The following SDS variants were observed in gnomAD, a reference collection of about 807,000 sequenced individuals.
SDS encodes the protein L-serine dehydratase/L-threonine deaminase.
Under a neutral mutation model 29.3 loss-of-function variants are expected in SDS, and 19 were observed. That is an observed-to-expected ratio of 0.65 (90% CI 0.45 to 0.95). The LOEUF (loss-of-function observed/expected upper bound fraction) is 0.95, where lower values mean the gene tolerates loss of function less well. Ranked by LOEUF, SDS falls within the 40% of genes least tolerant of loss-of-function variation. SDS has a pLI of 0.00. For synonymous variants in SDS, 176 were observed against 189.0 expected (o/e 0.93, Z 0.56); for missense variants, 375 against 439.9 (o/e 0.85, Z 1.32).
At position 113,393,887 on chromosome 12, in the gene SDS, C is replaced by T; in HGVS notation, c.778+5G>A. On this transcript the variant is annotated splice_donor_5th_base_variant and intron_variant, in intron 7 of 7. Transcript: ENST00000257549. ...GGTCAGGTCATGGGAGGACCTGGCA[C>T]ATACCCACGAACTTCTCAATGGCGG... is the stretch of plus-strand genomic sequence containing the variant. 6.2e-7 allele frequency: 1 copy of T among 1,614,188 alleles called. No individual in the cohort carries two copies. The highest frequency in any genetic ancestry group is 8.5e-7 in the Non-Finnish European group (1 of 1,180,034).
intron 6 of SDS, 78 bp downstream of exon 6, chr12:113,397,087 G>C: frequency 8.0e-7 from 1 of 1,250,310 alleles, no homozygotes; most frequent in Non-Finnish European, 1.1e-6. Context: ...CTGACATCAG[G>C]ATCTATCTCA....
chr12:113,397,501 TC>T, intron 5 of SDS, 109 bp from the exon 6 acceptor site: 1 of 882,784 alleles, frequency 1.1e-6, no homozygotes, highest in Non-Finnish European at 1.7e-6. Flanking sequence ...GCTAGTTCCC[TC>T]CCCACCCCCA....
At position 113,397,274 on chromosome 12, in the gene SDS, C is replaced by T. The variant is rs1957653147; in HGVS notation, c.544G>A (p.Glu182Lys). 24 of 1,614,206 alleles carry T rather than the reference C, an allele frequency of 1.5e-5. No homozygotes were observed. The highest frequency in any genetic ancestry group is 1.9e-5 in the Non-Finnish European group (22 of 1,180,038). The stretch of plus-strand genomic sequence containing the variant: ...ACAGGCACGTCCCCCCAGCCCACCT[C>T]CTGCAGCCCCTGGACCACTCCACAC... Reference protein sequence around the residue: ...LLCGVVQGLQEVGWGDVPVIA... With the variant: ...LLCGVVQGLQKVGWGDVPVIA... The change falls in exon 6 of 8, where the codon GAG becomes AAG. Residue 182 changes from glutamate to lysine, a missense_variant. Physicochemically the swap from Glu to Lys is moderately conservative, Grantham distance 56. Transcript: ENST00000257549.
intron 3 of SDS, 117 bp from the exon 4 acceptor site, chr12:113,398,963 G>A (rs1313150543): frequency 3.7e-5 from 57 of 1,521,114 alleles, no homozygotes; most frequent in East Asian, 4.8e-5. Flanking sequence ...CACCCTGGGC[G>A]ACTGCTGGCC....
At chr12:113,398,068 T>G (rs943183773) in intron 5 of SDS, among the ~76,000 whole-genome samples, 15 of 151,202 alleles carry the variant, frequency 9.9e-5, no homozygotes, top group Admixed American at 2.0e-4. Context: ...CTTCTTTTTT[T>G]TTTTTTTTGT....
chr12:113,394,699 T>A (rs1446180598), intron 6 of SDS, among the ~76,000 whole-genome samples: 1 of 152,112 alleles, frequency 6.6e-6, no homozygotes, highest in Non-Finnish European at 1.5e-5. Flanking sequence ...CAGCGTCATA[T>A]TCTGATCAAC....
intron 3 of SDS, 39 bp from the exon 4 acceptor site, chr12:113,398,885 G>A (rs1271412077): frequency 4.5e-6 from 7 of 1,565,058 alleles, no homozygotes; most frequent in Middle Eastern, 3.9e-4. Flanking sequence ...CAGTGCGGGA[G>A]CATCTGGGAG....
chr12:113,397,310 C>T lies in SDS; in HGVS notation c.508G>A (p.Gly170Arg), dbSNP rs780172339. 1.1e-4 allele frequency: 172 copies of T among 1,613,994 alleles called. No individual in the cohort carries two copies. Among genetic ancestry groups the T allele is most frequent in the South Asian group, 1.2e-4 (11 of 91,078 alleles). Residue 170 changes from glycine to arginine, a missense_variant, in exon 6 of 8, where the codon GGG (glycine) becomes AGG (arginine). Gly to Arg is a moderately radical substitution (Grantham distance 125). Transcript: ENST00000257549. Reference sequence around the variant, plus strand: ...TGGACCACTCCACACAGCAGGCCCCCGCCGCCCACTGACAGCGCGATGGCC... The same window carrying T: ...TGGACCACTCCACACAGCAGGCCCCTGCCGCCCACTGACAGCGCGATGGCC... ...PGAIALSVGGGGLLCGVVQGL... is the reference protein window; with the variant it reads ...PGAIALSVGGRGLLCGVVQGL...
At position 113,398,747 on chromosome 12, in the gene SDS, C is replaced by T. The variant is rs780495084; in HGVS notation, c.293G>A (p.Arg98His). The T allele has an allele frequency of 1.2e-5, 20 of 1,614,122 alleles. No homozygotes were observed. Among genetic ancestry groups the T allele is most frequent in the South Asian group, 5.5e-5 (5 of 91,088 alleles). ...PSTTPALTIE[R>H]LKNEGATVKV... The stretch of plus-strand genomic sequence containing the variant: ...GACTGTGGCACCTTCATTCTTGAGG[C>T]GCTCAATGGTGAGAGCAGGTGTGGT... Residue 98 changes from arginine to histidine, a missense_variant, in exon 4 of 8, where the codon CGC (arginine) becomes CAC (histidine). Physicochemically the swap from Arg to His is conservative, Grantham distance 29 (BLOSUM62 0). Coordinates refer to ENST00000257549, the MANE Select transcript of SDS (RefSeq NM_006843.3).
intron 1 of SDS, among the ~76,000 whole-genome samples, chr12:113,403,223 C>A (rs1005581144): frequency 3.9e-5 from 6 of 152,126 alleles, no homozygotes; most frequent in Admixed American, 6.5e-5. Context: ...ACCTCTTGGG[C>A]TCCAGCGATC....
At chr12:113,395,330 C>T (rs1308699702) in intron 6 of SDS, among the ~76,000 whole-genome samples, 7 of 152,200 alleles carry the variant, frequency 4.6e-5, no homozygotes, top group Non-Finnish European at 8.8e-5. Context: ...TCAGCCATGA[C>T]GTCTTCAGTC....
At chr12:113,394,373 TC>T (rs1957632713) in intron 6 of SDS, among the ~76,000 whole-genome samples, 1 of 150,802 alleles carries the variant, frequency 6.6e-6, no homozygotes, top group African/African-American at 2.4e-5. Context: ...GGAGTCTTGC[TC>T]TGTTGCCCAG....
chr12:113,399,742 G>A (rs1241003069), intron 1 of SDS, 32 bp from the exon 2 acceptor site: 2 of 1,510,834 alleles, frequency 1.3e-6, no homozygotes, highest in African/African-American at 1.4e-5. Flanking sequence ...CAGAGGGTTA[G>A]GAGAGCTAGC....
chr12:113,402,957 T>C (rs1429497002), intron 1 of SDS, among the ~76,000 whole-genome samples: 3 of 152,128 alleles, frequency 2.0e-5, no homozygotes, highest in African/African-American at 7.2e-5. Flanking sequence ...TCACAGTAAG[T>C]GCTCAGTCGA....
At chr12:113,401,874 C>T (rs952472213) in intron 1 of SDS, among the ~76,000 whole-genome samples, 5 of 152,318 alleles carry the variant, frequency 3.3e-5, no homozygotes, top group African/African-American at 7.2e-5. Context: ...GATCAGCTGA[C>T]GATGGCCAAG....
rs573295597 is a variant in SDS at position 113,401,095 on chromosome 12, C to T, written c.-2-1385G>A. 8.5e-4 allele frequency among the ~76,000 whole-genome samples: 130 copies of T among 152,190 alleles called. 4 individuals are homozygous for T. Among genetic ancestry groups the T allele is most frequent in the Admixed American group, 8.3e-3 (127 of 15,258 alleles). On this transcript the variant is annotated intron_variant, in intron 1 of 7. Transcript: ENST00000257549. ...CGCCACTGCACTCCAGCCTCGTCTA[C>T]AGATCGAGACTCTGTCTCAAACAAA...
intron 6 of SDS, among the ~76,000 whole-genome samples, chr12:113,395,726 C>T (rs1055175630): frequency 9.2e-5 from 14 of 152,290 alleles, no homozygotes; most frequent in East Asian, 3.9e-4. Context: ...AGGGACCTGG[C>T]GCCCTGACTT....
chr12:113,397,513 A>C, intron 5 of SDS, 121 bp from the exon 6 acceptor site: 1 of 800,594 alleles, frequency 1.2e-6, no homozygotes, highest in Non-Finnish European at 2.0e-6. Context: ...CCCACCCCCA[A>C]CCTTGGCTTC....
chr12:113,398,881 G>T, intron 3 of SDS, 35 bp from the exon 4 acceptor site: 1 of 1,564,254 alleles, frequency 6.4e-7, no homozygotes, highest in East Asian at 2.4e-5. Flanking sequence ...GTGTCAGTGC[G>T]GGAGCATCTG....
Sources: allele counts gnomAD v4.1 joint callset (sites outside exome capture counted in the v4.1 genomes callset), GRCh38; gene constraint gnomAD v4.1.1; transcripts MANE v1.5; gene names NCBI Gene and HGNC (gene_info 2026-07-23, HGNC 2026-07-21).